RIMS2: variants seen among roughly 807,000 people sequenced by gnomAD.
The protein encoded by RIMS2 is regulating synaptic membrane exocytosis 2.
Under a neutral mutation model 174.4 loss-of-function variants are expected in RIMS2, and 59 were observed. The ratio of observed to expected loss-of-function variants is 0.34; its 90% confidence interval spans 0.27 to 0.42. RIMS2 has a LOEUF of 0.42. Among genes scored for constraint, RIMS2 ranks in the 10% least tolerant of loss-of-function variants. The pLI is 1.00. For synonymous variants in RIMS2, 606 were observed against 572.5 expected (o/e 1.06, Z -0.84); for missense variants, 1,620 against 1,666.3 (o/e 0.97, Z 0.48).
intron 19 of RIMS2, among the ~76,000 whole-genome samples, chr8:104,136,614 G>A (rs2098522588): frequency 6.6e-6 from 1 of 152,162 alleles, no homozygotes; most frequent in Admixed American, 6.6e-5. Context: ...ATGCTATGCA[G>A]CCATAAAAAT....
At chr8:103,654,441 T>G (rs912528336) in intron 1 of RIMS2, among the ~76,000 whole-genome samples, 2 of 152,014 alleles carry the variant, frequency 1.3e-5, no homozygotes, top group African/African-American at 4.8e-5. Context: ...CTTGATTAAT[T>G]GGTATTATTT....
chr8:103,627,560 G>T (rs921537435), intron 1 of RIMS2, among the ~76,000 whole-genome samples: 1 of 152,172 alleles, frequency 6.6e-6, no homozygotes, highest in Non-Finnish European at 1.5e-5. Context: ...GTAAAGACAG[G>T]CATAAGAAAT....
At chr8:104,006,565 A>G (rs1210440993) in intron 17 of RIMS2, among the ~76,000 whole-genome samples, 2 of 151,710 alleles carry the variant, frequency 1.3e-5, no homozygotes, top group African/African-American at 4.8e-5. Context: ...AAAATAAACA[A>G]TAATAATAAT....
chr8:103,796,778 G>A (rs1018811491), intron 3 of RIMS2, among the ~76,000 whole-genome samples: 1 of 152,148 alleles, frequency 6.6e-6, no homozygotes, highest in Non-Finnish European at 1.5e-5. Context: ...GAAAGACAAA[G>A]AAATAAGAAA....
At chr8:103,604,163 A>G (rs890261083) in intron 1 of RIMS2, among the ~76,000 whole-genome samples, 4 of 150,118 alleles carry the variant, frequency 2.7e-5, no homozygotes, top group African/African-American at 7.4e-5. Context: ...TCCATCTTGA[A>G]TTAATTTTTG....
chr8:103,851,966 A>G (rs1167788079), intron 3 of RIMS2, among the ~76,000 whole-genome samples: 1 of 151,954 alleles, frequency 6.6e-6, no homozygotes, highest in East Asian at 1.9e-4. Flanking sequence ...TCTCATGTGT[A>G]GATGCTGCAA....
At chr8:103,594,107 C>A (rs1293936344) in intron 1 of RIMS2, among the ~76,000 whole-genome samples, 1 of 151,524 alleles carries the variant, frequency 6.6e-6, no homozygotes, top group East Asian at 1.9e-4. Context: ...TATTTTTGGG[C>A]GTGTACATGT....
chr8:103,507,693 C>A (rs560259229), intron 1 of RIMS2, among the ~76,000 whole-genome samples: 1 of 151,988 alleles, frequency 6.6e-6, no homozygotes, highest in East Asian at 1.9e-4. Flanking sequence ...GGACTAAGAG[C>A]ATATCTTTTT....
chr8:103,636,471 G>A (rs745404892), intron 1 of RIMS2, among the ~76,000 whole-genome samples: 5 of 151,632 alleles, frequency 3.3e-5, no homozygotes, highest in African/African-American at 7.3e-5. Context: ...ACTGAAGGTT[G>A]TATAGATCTG....
intron 1 of RIMS2, among the ~76,000 whole-genome samples, chr8:103,685,845 G>A (rs1052200336): frequency 3.3e-5 from 5 of 151,976 alleles, no homozygotes; most frequent in African/African-American, 1.2e-4. Context: ...AGAGCTAGCT[G>A]GTCAATTTTT....
At chr8:104,096,058 A>G (rs1323331203) in intron 19 of RIMS2, among the ~76,000 whole-genome samples, 1 of 152,172 alleles carries the variant, frequency 6.6e-6, no homozygotes, top group Non-Finnish European at 1.5e-5. Flanking sequence ...AACTTTTGAT[A>G]ATTACATTGG....
intron 1 of RIMS2, among the ~76,000 whole-genome samples, chr8:103,636,566 G>C (rs570164025): frequency 8.5e-5 from 13 of 152,222 alleles, no homozygotes; most frequent in Non-Finnish European, 1.3e-4. Flanking sequence ...CTGGGTCTGT[G>C]TTGCTCCCAG....
At chr8:103,889,627 TTACTC>T (rs1190322502) in intron 4 of RIMS2, among the ~76,000 whole-genome samples, 1 of 148,926 alleles carries the variant, frequency 6.7e-6, no homozygotes, top group Non-Finnish European at 1.5e-5. Flanking sequence ...AGTTTATAAT[TTACTC>T]TACCTAATTT....
chr8:104,160,044 C>CG (rs1348464237), intron 19 of RIMS2, among the ~76,000 whole-genome samples: 1 of 151,548 alleles, frequency 6.6e-6, no homozygotes, highest in African/African-American at 2.4e-5. Flanking sequence ...GAGGCTGAGG[C>CG]GGGAGGATTA....
chr8:104,173,920 GATTTATTTATTT>G lies in RIMS2; in HGVS notation c.3335-70965_3335-70954del, dbSNP rs71297263. On this transcript the variant is annotated intron_variant, in intron 19 of 23. Coordinates refer to ENST00000504942, the Ensembl canonical transcript of RIMS2. ...CTAGAAGTAATGGGTAATGTTAAAG[GATTTATTTATTT>G]ATTTATTTATTTATTTATTTATTTA... is the stretch of plus-strand genomic sequence containing the variant. Among the ~76,000 whole-genome samples the G allele has an allele frequency of 4.4e-4, 61 of 139,018 alleles. 1 individual carries two copies. The highest frequency in any genetic ancestry group is 6.2e-4 in the African/African-American group (23 of 37,346). 91.2% of individuals were successfully genotyped at this position (139,018 alleles called of 152,430 possible). A position where few individuals can be genotyped will look rare whatever the true frequency, so the allele number is the denominator to read the frequency against.
At chr8:103,931,283 G>A (rs1467712387) in exon 12 of RIMS2, 2 of 1,600,440 alleles carry the variant, frequency 1.2e-6, no homozygotes, top group African/African-American at 1.3e-5. Context: ...GGTTTGACAA[G>A]GTTGGTCACC....
intron 1 of RIMS2, among the ~76,000 whole-genome samples, chr8:103,561,329 A>G (rs1587783859): frequency 6.6e-6 from 1 of 152,200 alleles, no homozygotes; most frequent in Non-Finnish European, 1.5e-5. Flanking sequence ...AATAAGAAAC[A>G]TACCCATTGA....
At chr8:104,170,977 G>T (rs183751850) in intron 19 of RIMS2, among the ~76,000 whole-genome samples, 31 of 152,216 alleles carry the variant, frequency 2.0e-4, no homozygotes, top group African/African-American at 7.2e-4. Flanking sequence ...CCAAAGATAG[G>T]ACCCCAATCC....
intron 17 of RIMS2, among the ~76,000 whole-genome samples, chr8:104,008,025 T>C (rs1028475681): frequency 2.6e-5 from 4 of 152,148 alleles, no homozygotes; most frequent in Non-Finnish European, 4.4e-5. Context: ...AGTGAAACTA[T>C]TGAATCTGTA....
Sources: allele counts gnomAD v4.1 joint callset (sites outside exome capture counted in the v4.1 genomes callset), GRCh38; gene constraint gnomAD v4.1.1; transcripts MANE v1.5; gene names NCBI Gene and HGNC (gene_info 2026-07-23, HGNC 2026-07-21).